GRIN2B: variants seen among roughly 807,000 people sequenced by gnomAD.
GRIN2B encodes the protein glutamate receptor ionotropic, NMDA 2B.
In GRIN2B, 5 loss-of-function variants were observed where a neutral mutation model predicts 114.5. The observed-to-expected ratio is 0.04, with a 90% CI of 0.02 to 0.09. The LOEUF is 0.09. GRIN2B is among the 10% of genes least tolerant of loss of function. The pLI, the probability that GRIN2B is intolerant of heterozygous loss-of-function variation, is 1.00. For missense variants in GRIN2B, 1,108 were observed against 1,943.5 expected (o/e 0.57, Z 8.08); for synonymous variants, 787 against 745.1 (o/e 1.06, Z -0.92).
intron 2 of GRIN2B, among the ~76,000 whole-genome samples, chr12:13,972,973 T>C (rs2136874012): frequency 1.3e-5 from 2 of 152,308 alleles, no homozygotes; most frequent in East Asian, 3.9e-4. Context: ...AATACACTAA[T>C]CTCGAATCCA....
intron 3 of GRIN2B, among the ~76,000 whole-genome samples, chr12:13,765,953 T>C (rs1220255992): frequency 6.6e-6 from 1 of 152,192 alleles, no homozygotes; most frequent in East Asian, 1.9e-4. Context: ...GTGATTACAG[T>C]AGTCTAGTAA....
chr12:13,742,365 T>C (rs996193259), intron 4 of GRIN2B, among the ~76,000 whole-genome samples: 5 of 152,260 alleles, frequency 3.3e-5, no homozygotes, highest in Non-Finnish European at 7.3e-5. Context: ...GGAAATCATA[T>C]AAACAAATAT....
chr12:13,614,720 T>A (rs918252901), intron 8 of GRIN2B, among the ~76,000 whole-genome samples: 1 of 152,170 alleles, frequency 6.6e-6, no homozygotes, highest in Non-Finnish European at 1.5e-5. Context: ...TATCCAGAAT[T>A]AGAAATTATT....
intron 5 of GRIN2B, among the ~76,000 whole-genome samples, chr12:13,621,607 G>GTTTTTTTT (rs759603737): frequency 7.2e-5 from 2 of 27,690 alleles, no homozygotes; most frequent in African/African-American, 2.7e-4. Context: ...AAATTGCCTA[G>GTTTTTTTT]TTTTTGTTTT....
chr12:13,871,911 A>G (rs1055581266), intron 2 of GRIN2B, among the ~76,000 whole-genome samples: 1 of 152,092 alleles, frequency 6.6e-6, no homozygotes, highest in African/African-American at 2.4e-5. Context: ...AATTTTAGAA[A>G]TTGTTATTAA....
chr12:13,869,937 G>A (rs1865880677), intron 2 of GRIN2B, among the ~76,000 whole-genome samples: 1 of 152,162 alleles, frequency 6.6e-6, no homozygotes, highest in Non-Finnish European at 1.5e-5. Flanking sequence ...ATGAAAATAT[G>A]TATATGGAAG....
intron 3 of GRIN2B, among the ~76,000 whole-genome samples, chr12:13,772,360 T>C (rs1304116792): frequency 1.3e-5 from 2 of 152,154 alleles, no homozygotes; most frequent in South Asian, 4.1e-4. Context: ...TCTTCCCCAA[T>C]CTGAGGAATG....
At chr12:13,695,529 A>G (rs1369764991) in intron 4 of GRIN2B, among the ~76,000 whole-genome samples, 1 of 152,170 alleles carries the variant, frequency 6.6e-6, no homozygotes, top group Non-Finnish European at 1.5e-5. Flanking sequence ...GAGTCCAGAG[A>G]GTGTGTCAGG....
intron 5 of GRIN2B, among the ~76,000 whole-genome samples, chr12:13,660,624 T>C (rs1050358534): frequency 6.6e-6 from 1 of 152,204 alleles, no homozygotes; most frequent in Admixed American, 6.5e-5. Context: ...AGAAAAATGC[T>C]ATATGGTCAA....
Position 13,572,003 on chromosome 12 carries a change from G to A in GRIN2B, c.2011-39C>T, listed in dbSNP as rs967352536. On this transcript the variant is annotated intron_variant, in intron 10 of 13. Transcript: ENST00000609686. ...GACAGATAGAGACAGAGCGGGAGATGGAGGGAGAGAGAGAGAGAAAAGTCA... is the reference window on the plus strand; with the variant it reads ...GACAGATAGAGACAGAGCGGGAGATAGAGGGAGAGAGAGAGAGAAAAGTCA... The A allele has an allele frequency of 6.0e-6, 9 of 1,498,092 alleles. No individual in the cohort carries two copies. In the African/African-American group the frequency reaches 1.1e-4, roughly 18 times the overall value. 92.8% of individuals were successfully genotyped at this position (1,498,092 alleles called of 1,614,324 possible).
chr12:13,735,206 A>T (rs1591703408), intron 4 of GRIN2B, among the ~76,000 whole-genome samples: 1 of 152,230 alleles, frequency 6.6e-6, no homozygotes, highest in Non-Finnish European at 1.5e-5. Context: ...CCAATAAAAC[A>T]TGGTTACAAC....
At chr12:13,678,550 C>T (rs556668098) in intron 4 of GRIN2B, among the ~76,000 whole-genome samples, 1 of 152,148 alleles carries the variant, frequency 6.6e-6, no homozygotes, top group South Asian at 2.1e-4. Context: ...GCCATGGCTT[C>T]GTGTTTTCTA....
intron 3 of GRIN2B, among the ~76,000 whole-genome samples, chr12:13,835,642 G>A (rs1865246904): frequency 6.6e-6 from 1 of 151,888 alleles, no homozygotes; most frequent in South Asian, 2.1e-4. Flanking sequence ...ACATCAGGAA[G>A]GCACCCCCTT....
intron 5 of GRIN2B, among the ~76,000 whole-genome samples, chr12:13,668,842 T>A (rs537356303): frequency 6.6e-6 from 1 of 151,606 alleles, no homozygotes; most frequent in East Asian, 1.9e-4. Flanking sequence ...TGATACAAAT[T>A]TGTGGGGGCA....
chr12:13,726,162 C>T (rs889597868), intron 4 of GRIN2B, among the ~76,000 whole-genome samples: 11 of 152,168 alleles, frequency 7.2e-5, no homozygotes, highest in Admixed American at 7.2e-4. Context: ...ATTGTATATT[C>T]TTTCTCCACT....
chr12:13,655,876 G>A (rs1949858777), intron 5 of GRIN2B, among the ~76,000 whole-genome samples: 1 of 152,168 alleles, frequency 6.6e-6, no homozygotes, highest in Non-Finnish European at 1.5e-5. Context: ...TGTCTTACAA[G>A]AAGGATTGGC....
In GRIN2B at chr12:13,598,399, C is replaced by G. The variant is rs183715308; in HGVS notation, c.2010+10204G>C. Among the ~76,000 whole-genome samples, 5 of 152,304 alleles carry G rather than the reference C, an allele frequency of 3.3e-5. No homozygotes were observed. The East Asian group carries it at 9.7e-4, about 29-fold the overall frequency. Reference sequence around the variant, plus strand: ...TATGGCCTCATCTGGTCTTGAGAAACAGATCTATCTGGCCATTGTGGGGAG... The same window carrying G: ...TATGGCCTCATCTGGTCTTGAGAAAGAGATCTATCTGGCCATTGTGGGGAG... On this transcript the variant is annotated intron_variant, in intron 10 of 13. Transcript: ENST00000609686.
rs192694349 is a variant in GRIN2B, at chr12:13,693,047, C to T, written c.1011-17188G>A. Reference sequence around the variant, plus strand: ...CCTCCCAGAGTGCTAGGATTACAGGCGTGAGCCACTGCACCCAGCCTCTAA... The same window carrying T: ...CCTCCCAGAGTGCTAGGATTACAGGTGTGAGCCACTGCACCCAGCCTCTAA... On this transcript the variant is annotated intron_variant, in intron 4 of 13. Transcript: ENST00000609686. 5.8e-3 allele frequency among the ~76,000 whole-genome samples: 876 copies of T among 152,086 alleles called. 11 individuals are homozygous for T. The highest frequency in any genetic ancestry group is 7.5e-3 in the Non-Finnish European group (507 of 67,980).
At chr12:13,893,748 A>G (rs1236803635) in intron 2 of GRIN2B, among the ~76,000 whole-genome samples, 1 of 152,124 alleles carries the variant, frequency 6.6e-6, no homozygotes, top group East Asian at 1.9e-4. Flanking sequence ...TATTTTAAAC[A>G]ATGATTTCGA....
Sources: allele counts gnomAD v4.1 joint callset (sites outside exome capture counted in the v4.1 genomes callset), GRCh38; gene constraint gnomAD v4.1.1; transcripts MANE v1.5; gene names NCBI Gene and HGNC (gene_info 2026-07-23, HGNC 2026-07-21).